Variants in TCERG1L observed in about 807,000 individuals in gnomAD.
The protein encoded by TCERG1L is transcription elongation regulator 1 like, also known as transcription elongation regulator 1-like protein.
In TCERG1L, 37 loss-of-function variants were observed where a neutral mutation model predicts 56.3. The ratio of observed to expected loss-of-function variants is 0.66; its 90% CI spans 0.51 to 0.87. TCERG1L has a LOEUF of 0.87. Among genes scored for constraint, TCERG1L ranks in the 40% least tolerant of loss-of-function variants. The pLI is 0.00. For synonymous variants in TCERG1L, 324 were observed against 326.3 expected (o/e 0.99, Z 0.08); for missense variants, 799 against 774.2 (o/e 1.03, Z -0.38).
At chr10:131,283,924 A>C (rs1418481874) in intron 3 of TCERG1L, among the ~76,000 whole-genome samples, 1 of 152,058 alleles carries the variant, frequency 6.6e-6, no homozygotes, top group South Asian at 2.1e-4. Context: ...GGAGTTCGAG[A>C]CCAGGCTGGC....
chr10:131,279,554 G>A (rs900615038), intron 3 of TCERG1L, among the ~76,000 whole-genome samples: 10 of 152,170 alleles, frequency 6.6e-5, no homozygotes, highest in South Asian at 2.1e-4. Context: ...GACATCTGGC[G>A]AGACAAGCTC....
intron 4 of TCERG1L, among the ~76,000 whole-genome samples, chr10:131,248,199 A>ACTCACACACAACTCT (rs1564825320): frequency 7.0e-6 from 1 of 143,300 alleles, no homozygotes; most frequent in Non-Finnish European, 1.5e-5. Flanking sequence ...AACACACACT[A>ACTCACACACAACTCT]CTCACACACA....
intron 7 of TCERG1L, among the ~76,000 whole-genome samples, chr10:131,136,341 T>C (rs1318490944): frequency 4.6e-5 from 7 of 152,216 alleles, no homozygotes; most frequent in Admixed American, 1.3e-4. Flanking sequence ...CAGGCATTTC[T>C]GGTTTTTTTT....
chr10:131,204,960 A>G (rs189253184), intron 4 of TCERG1L, among the ~76,000 whole-genome samples: 10 of 152,234 alleles, frequency 6.6e-5, no homozygotes, highest in African/African-American at 1.2e-4. Flanking sequence ...CGTGCTCTGC[A>G]GCTGGATCTG....
chr10:131,166,919 A>C, intron 4 of TCERG1L, 34 bp from the exon 5 acceptor site: 2 of 1,581,766 alleles, frequency 1.3e-6, no homozygotes, highest in Non-Finnish European at 1.7e-6. Context: ...TTAACATTTC[A>C]TTTGTCACAG....
intron 4 of TCERG1L, among the ~76,000 whole-genome samples, chr10:131,201,458 A>G (rs1252326394): frequency 6.6e-6 from 1 of 152,142 alleles, no homozygotes; most frequent in Non-Finnish European, 1.5e-5. Context: ...AGGCGCCAAA[A>G]AGGAGGGTCC....
chr10:131,107,240 C>T (rs567489211), intron 9 of TCERG1L, among the ~76,000 whole-genome samples: 8 of 152,262 alleles, frequency 5.3e-5, no homozygotes, highest in African/African-American at 1.7e-4. Flanking sequence ...GTGCATAGCC[C>T]GATGGTCCCA....
At chr10:131,299,018 T>C (rs1233488528) in intron 3 of TCERG1L, among the ~76,000 whole-genome samples, 1 of 152,246 alleles carries the variant, frequency 6.6e-6, no homozygotes, top group Non-Finnish European at 1.5e-5. Context: ...GAATTTCTTT[T>C]ATTAGATTAA....
intron 4 of TCERG1L, among the ~76,000 whole-genome samples, chr10:131,177,568 C>T (rs1457672651): frequency 6.6e-6 from 1 of 152,226 alleles, no homozygotes; most frequent in Non-Finnish European, 1.5e-5. Context: ...GTGCAGCATG[C>T]CCATCTGCAG....
intron 4 of TCERG1L, among the ~76,000 whole-genome samples, chr10:131,256,265 C>T (rs1160979850): frequency 1.3e-5 from 2 of 152,092 alleles, no homozygotes; most frequent in Admixed American, 6.5e-5. Context: ...TGAGGAAAGC[C>T]GACAGCAACA....
At chr10:131,215,038 T>C (rs1845655485) in intron 4 of TCERG1L, among the ~76,000 whole-genome samples, 1 of 152,162 alleles carries the variant, frequency 6.6e-6, no homozygotes, top group Admixed American at 6.5e-5. Flanking sequence ...GTTCCCGAGA[T>C]TGCAGGTGAG....
intron 8 of TCERG1L, among the ~76,000 whole-genome samples, chr10:131,133,814 G>A (rs6482863): frequency 0.35 from 53,437 of 152,040 alleles, 10,018 homozygotes; most frequent in South Asian, 0.47. Context: ...AAATCAAACC[G>A]TGACCAGCGA....
At position 131,260,131 on chromosome 10, in the gene TCERG1L, G is replaced by A; in HGVS notation, c.856+128C>T. 1.6e-6 allele frequency: 2 copies of A among 1,233,988 alleles called. No individual in the cohort carries two copies. The highest frequency in any genetic ancestry group is 2.0e-6 in the Non-Finnish European group (2 of 988,934). 76.4% of individuals were successfully genotyped at this position (1,233,988 alleles called of 1,614,324 possible). ...AAAGCCCAAACGGCCCCAGCCGAAT[G>A]TTTCCCTCAACCGGAGCCGGGCTTC... On this transcript the variant is annotated intron_variant, in intron 4 of 11. Coordinates refer to ENST00000368642, the MANE Select transcript of TCERG1L (RefSeq NM_174937.4). The surrounding 1 kb of genome is among the most constrained non-coding windows in gnomAD (Gnocchi z 5.8).
intron 7 of TCERG1L, among the ~76,000 whole-genome samples, chr10:131,135,667 G>A (rs1845667808): frequency 6.6e-6 from 1 of 152,206 alleles, no homozygotes; most frequent in Non-Finnish European, 1.5e-5. Flanking sequence ...CACCTGAGCT[G>A]CCCAGGCAGC....
chr10:131,190,280 T>C (rs1845289919), intron 4 of TCERG1L, among the ~76,000 whole-genome samples: 1 of 152,036 alleles, frequency 6.6e-6, no homozygotes, highest in Admixed American at 6.5e-5. Context: ...GAATCAGTAA[T>C]TTTAAAATTG....
At chr10:131,279,149 G>T (rs979789072) in intron 3 of TCERG1L, among the ~76,000 whole-genome samples, 5 of 152,166 alleles carry the variant, frequency 3.3e-5, no homozygotes, top group Non-Finnish European at 7.3e-5. Context: ...CCCTAGATTA[G>T]ATGAGATGAC....
intron 8 of TCERG1L, among the ~76,000 whole-genome samples, chr10:131,130,910 C>A (rs1845611517): frequency 6.6e-6 from 1 of 152,092 alleles, no homozygotes; most frequent in Non-Finnish European, 1.5e-5. Flanking sequence ...CGGGCATCAA[C>A]CCCCCGGCAA....
intron 4 of TCERG1L, among the ~76,000 whole-genome samples, chr10:131,232,300 CCT>C (rs1403725937): frequency 1.3e-5 from 2 of 152,218 alleles, no homozygotes; most frequent in Non-Finnish European, 2.9e-5. Context: ...CCAGGCAACC[CCT>C]GAGCTGGGAG....
intron 9 of TCERG1L, among the ~76,000 whole-genome samples, chr10:131,105,292 C>T (rs562592671): frequency 2.1e-4 from 32 of 152,170 alleles, no homozygotes; most frequent in Non-Finnish European, 4.0e-4. Context: ...TGGCCGTGGT[C>T]GGCTGGCTGA....
Sources: allele counts gnomAD v4.1 joint callset (sites outside exome capture counted in the v4.1 genomes callset), GRCh38; gene constraint gnomAD v4.1.1; non-coding constraint Gnocchi (gnomAD v3.1); transcripts MANE v1.5; gene names NCBI Gene and HGNC (gene_info 2026-07-23, HGNC 2026-07-21).